The following MECOM variants were observed in gnomAD, a reference collection of about 807,000 sequenced individuals.
MECOM encodes histone-lysine N-methyltransferase MECOM.
In MECOM, 13 loss-of-function variants were observed where a neutral mutation model predicts 116.3. The observed-to-expected ratio is 0.11, with a 90% CI of 0.07 to 0.18. The LOEUF is 0.18. Ranked by LOEUF, MECOM falls within the 10% of genes least tolerant of loss-of-function variation. MECOM has a pLI of 1.00. For missense variants in MECOM, 1,299 were observed against 1,509.0 expected (o/e 0.86, Z 2.31); for synonymous variants, 528 against 535.2 (o/e 0.99, Z 0.19).
At chr3:169,407,804 A>G (rs1736933494) in intron 1 of MECOM, among the ~76,000 whole-genome samples, 1 of 152,188 alleles carries the variant, frequency 6.6e-6, no homozygotes, top group Admixed American at 6.5e-5. Context: ...AGGCATTAGG[A>G]GAGTCTTTAT....
chr3:169,112,990 C>G (rs1727927658), intron 8 of MECOM, 116 bp from the exon 9 acceptor site: 6 of 707,006 alleles, frequency 8.5e-6, no homozygotes, highest in Middle Eastern at 4.0e-4. Flanking sequence ...CTGGGAAGCG[C>G]ACTCATAAAA....
chr3:169,154,597 T>C (rs1157817002), intron 2 of MECOM, among the ~76,000 whole-genome samples: 1 of 152,230 alleles, frequency 6.6e-6, no homozygotes. Flanking sequence ...CTCAACCATC[T>C]GCTGTTACTT....
intron 1 of MECOM, among the ~76,000 whole-genome samples, chr3:169,389,260 C>A (rs1370452811): frequency 6.6e-6 from 1 of 152,162 alleles, no homozygotes; most frequent in East Asian, 1.9e-4. Context: ...AAAGAAATTG[C>A]TAGAAAATTC....
Position 169,103,749 on chromosome 3 carries a change from C to G in MECOM, c.2605-1523G>C, listed in dbSNP as rs574592791. Among the ~76,000 whole-genome samples, 4 of 152,290 alleles carry G rather than the reference C, an allele frequency of 2.6e-5. No individual in the cohort carries two copies. In the South Asian group the frequency reaches 6.2e-4, roughly 24 times the overall value. ...TATATTCTGTGGACACACAGCTGGA[C>G]AGAATACCATCAGCTTCTTAAAGTA... On this transcript the variant is annotated intron_variant, in intron 10 of 16. Coordinates refer to ENST00000651503, the MANE Select transcript of MECOM (RefSeq NM_004991.4).
chr3:169,266,799 A>G (rs1166122866), intron 2 of MECOM, among the ~76,000 whole-genome samples: 2 of 152,178 alleles, frequency 1.3e-5, no homozygotes, highest in East Asian at 3.8e-4. Context: ...GAAGTTGCCT[A>G]TTCAATATCA....
chr3:169,661,888 T>C (rs1332188015), intron 1 of MECOM, among the ~76,000 whole-genome samples: 1 of 152,184 alleles, frequency 6.6e-6, no homozygotes, highest in Non-Finnish European at 1.5e-5. Context: ...TTAGAGAGTT[T>C]TGTTTTCGGC....
At chr3:169,535,703 G>A (rs999166734) in intron 1 of MECOM, among the ~76,000 whole-genome samples, 13 of 152,138 alleles carry the variant, frequency 8.5e-5, no homozygotes, top group East Asian at 1.9e-4. Flanking sequence ...TAATCTCACT[G>A]GAGAAGGAAC....
intron 1 of MECOM, among the ~76,000 whole-genome samples, chr3:169,476,591 C>T (rs1336298651): frequency 6.6e-6 from 1 of 152,128 alleles, no homozygotes; most frequent in Non-Finnish European, 1.5e-5. Context: ...TGATGCAGAT[C>T]GAGTTTGTTC....
intron 1 of MECOM, among the ~76,000 whole-genome samples, chr3:169,559,043 C>CGT (rs1255506833): frequency 1.6e-4 from 24 of 147,126 alleles, no homozygotes; most frequent in Non-Finnish European, 2.1e-4. Flanking sequence ...TACACACACA[C>CGT]GCGCACACAC....
Position 169,208,207 on chromosome 3 carries a change from A to ATGTGTG in MECOM, c.376-64381_376-64376dup, listed in dbSNP as rs147356930. ...GTCTTCTAGTCAGCAATATATATAT[A>ATGTGTG]TGTGTGTGTGTGTGTGTGTGTATAT... On this transcript the variant is annotated intron_variant, in intron 2 of 16. Coordinates refer to ENST00000651503, the MANE Select transcript of MECOM (RefSeq NM_004991.4). Among the ~76,000 whole-genome samples, 1,129 of 147,956 alleles carry ATGTGTG rather than the reference A, an allele frequency of 7.6e-3. 20 individuals are homozygous for ATGTGTG. Among genetic ancestry groups the ATGTGTG allele is most frequent in the African/African-American group, 0.026 (1,044 of 40,262 alleles).
chr3:169,658,593 G>A (rs1445585156), intron 1 of MECOM, among the ~76,000 whole-genome samples: 1 of 152,224 alleles, frequency 6.6e-6, no homozygotes, highest in Non-Finnish European at 1.5e-5. Context: ...GGAGCCCTGA[G>A]CTGAGCAGCC....
intron 10 of MECOM, among the ~76,000 whole-genome samples, chr3:169,106,784 T>C (rs2148995187): frequency 6.6e-6 from 1 of 152,148 alleles, no homozygotes; most frequent in Middle Eastern, 3.4e-3. Flanking sequence ...GGCACAATAC[T>C]CAAGACAGAT....
At chr3:169,402,028 G>A (rs34331964) in intron 1 of MECOM, among the ~76,000 whole-genome samples, 5,274 of 152,294 alleles carry the variant, frequency 0.035, 196 homozygotes, top group African/African-American at 0.088. Context: ...GGACCAGTCA[G>A]AGGCTGTTTC....
chr3:169,390,056 T>C (rs1448506026), intron 1 of MECOM, among the ~76,000 whole-genome samples: 1 of 152,158 alleles, frequency 6.6e-6, no homozygotes, highest in Non-Finnish European at 1.5e-5. Flanking sequence ...GGCATGGAGT[T>C]GTGCTTGCGT....
chr3:169,211,331 A>G (rs1220000398), intron 2 of MECOM, among the ~76,000 whole-genome samples: 1 of 152,096 alleles, frequency 6.6e-6, no homozygotes, highest in Admixed American at 6.6e-5. Context: ...AAACAAAAAG[A>G]AAAATTAAAC....
intron 1 of MECOM, among the ~76,000 whole-genome samples, chr3:169,636,345 T>C (rs1772750696): frequency 6.6e-6 from 1 of 152,224 alleles, no homozygotes; most frequent in African/African-American, 2.4e-5. Context: ...AAGGGGTTAA[T>C]TTGCATGACA....
intron 1 of MECOM, among the ~76,000 whole-genome samples, chr3:169,465,807 C>A (rs1249794307): frequency 1.3e-5 from 2 of 152,148 alleles, no homozygotes; most frequent in Non-Finnish European, 1.5e-5. Context: ...ATAAAAATTA[C>A]AAGCTCAATT....
At chr3:169,368,416 T>C (rs1433007764) in intron 2 of MECOM, among the ~76,000 whole-genome samples, 1 of 152,050 alleles carries the variant, frequency 6.6e-6, no homozygotes, top group East Asian at 1.9e-4. Flanking sequence ...GATGTTAAGA[T>C]ACTACATTAA....
intron 2 of MECOM, among the ~76,000 whole-genome samples, chr3:169,277,489 G>A (rs779326779): frequency 6.6e-6 from 1 of 152,110 alleles, no homozygotes; most frequent in Non-Finnish European, 1.5e-5. Flanking sequence ...TGAAGCAGAG[G>A]ACTCTGAAAA....
Sources: allele counts gnomAD v4.1 joint callset (sites outside exome capture counted in the v4.1 genomes callset), GRCh38; gene constraint gnomAD v4.1.1; transcripts MANE v1.5; gene names NCBI Gene and HGNC (gene_info 2026-07-23, HGNC 2026-07-21).